AGPAT4: variants seen among roughly 807,000 people sequenced by gnomAD.
AGPAT4 encodes 1-acyl-sn-glycerol-3-phosphate acyltransferase delta.
In AGPAT4, 15 loss-of-function variants were observed where a neutral mutation model predicts 48.0. That is an observed-to-expected ratio of 0.31 (90% confidence interval 0.21 to 0.48). AGPAT4 has a LOEUF of 0.48. Among genes scored for constraint, AGPAT4 ranks in the 20% least tolerant of loss-of-function variants. The pLI is 0.99. For synonymous variants in AGPAT4, 178 were observed against 198.7 expected, an observed-to-expected ratio of 0.90 and a Z score of 0.88; for missense variants, 314 against 482.5, an observed-to-expected ratio of 0.65 and a Z score of 3.27.
Position 161,224,920 on chromosome 6 carries a change from G to A in AGPAT4, c.178+7116C>T, listed in dbSNP as rs544742344. On this transcript the variant is annotated intron_variant, in intron 2 of 8. Transcript: ENST00000320285. ...TTTCAAAGAATCAATATGTCAGTAT[G>A]TTCAATTCTTTGCCTTCTACTTTTA... 3.3e-5 allele frequency among the ~76,000 whole-genome samples: 5 copies of A among 152,268 alleles called. No individual in the cohort carries two copies. The East Asian group carries it at 7.7e-4, about 24-fold the overall frequency.
Position 161,161,318 on chromosome 6 carries a change from T to C in AGPAT4, c.348+4930A>G. Reference sequence around the variant, plus strand: ...AACCCGCGGTGCAGCCATAGTCCCGTGAGCTGCCCACTTCCTGCCCTGGCC... The same window carrying C: ...AACCCGCGGTGCAGCCATAGTCCCGCGAGCTGCCCACTTCCTGCCCTGGCC... On this transcript the variant is annotated intron_variant, in intron 3 of 8. Coordinates refer to ENST00000320285, the MANE Select transcript of AGPAT4 (RefSeq NM_020133.3). The surrounding 1 kb of genome is among the most constrained non-coding windows in gnomAD (Gnocchi z 4.6). The C allele has an allele frequency of 2.2e-6, 1 of 456,692 alleles. No individual in the cohort carries two copies. The highest frequency in any genetic ancestry group is 4.4e-6 in the Non-Finnish European group (1 of 226,954). The allele number at this position is 456,692 out of a possible 1,614,324, so 28.3% of individuals were successfully genotyped here.
chr6:161,151,312 G>A lies in AGPAT4; in HGVS notation c.665-2023C>T, dbSNP rs867191867. 2.6e-5 allele frequency among the ~76,000 whole-genome samples: 4 copies of A among 152,248 alleles called. No homozygotes were observed. The East Asian group carries it at 5.8e-4, about 22-fold the overall frequency. ...TGAGGACATCCCATGTGCACAGTGC[G>A]TACAGGGCCTGGCGTGCCAGACGCG... is the stretch of plus-strand genomic sequence containing the variant. On this transcript the variant is annotated intron_variant, in intron 5 of 8. Transcript: ENST00000320285.
intron 2 of AGPAT4, among the ~76,000 whole-genome samples, chr6:161,224,640 C>CAAAAA (rs71543000): frequency 1.5e-4 from 12 of 78,538 alleles, no homozygotes; most frequent in Admixed American, 1.6e-4. Flanking sequence ...GACTCCTTCT[C>CAAAAA]AAAAAAAAAA....
At position 161,249,288 on chromosome 6, in the gene AGPAT4, T is replaced by C. The variant is rs955623881; in HGVS notation, c.-89-16986A>G. ...TTTCATGACGAACACACCAAAGCAA[T>C]TGCAACAAAAGCAAAAATTGACAAA... On this transcript the variant is annotated intron_variant, in intron 1 of 8. Transcript: ENST00000320285. This position sits in a 1 kb window ranked among gnomAD's most constrained non-coding sequence, Gnocchi z 6.2. Among the ~76,000 whole-genome samples, 11 of 152,074 alleles carry C rather than the reference T, an allele frequency of 7.2e-5. No homozygotes were observed. The highest frequency in any genetic ancestry group is 2.7e-4 in the African/African-American group (11 of 41,400).
chr6:161,223,747 C>T lies in AGPAT4; in HGVS notation c.178+8289G>A, dbSNP rs1263265976. On this transcript the variant is annotated intron_variant, in intron 2 of 8. Transcript: ENST00000320285. The surrounding 1 kb of genome is among the most constrained non-coding windows in gnomAD (Gnocchi z 6.3). ...ACATGGCCTCACCTCCAGAGCTTGG[C>T]TCCTCAAATGCAGGGCAGGGCTGGG... 2.6e-5 allele frequency among the ~76,000 whole-genome samples: 4 copies of T among 152,198 alleles called. No homozygotes were observed. Among genetic ancestry groups the T allele is most frequent in the African/African-American group, 9.6e-5 (4 of 41,452 alleles).
rs1318145128 is a variant in AGPAT4 at position 161,255,041 on chromosome 6, C to A, written c.-90+18897G>T. 6.6e-6 allele frequency among the ~76,000 whole-genome samples: 1 copy of A among 152,198 alleles called. No individual in the cohort carries two copies. Among genetic ancestry groups the A allele is most frequent in the Non-Finnish European group, 1.5e-5 (1 of 68,040 alleles). On this transcript the variant is annotated intron_variant, in intron 1 of 8. Transcript: ENST00000320285. The surrounding 1 kb of genome is among the most constrained non-coding windows in gnomAD (Gnocchi z 4.7). Reference sequence around the variant, plus strand: ...CAGAGCCAGATACGGTTACACAGCCCTTCTGAAGCAAAGATACACTAAGTC... The same window carrying A: ...CAGAGCCAGATACGGTTACACAGCCATTCTGAAGCAAAGATACACTAAGTC...
chr6:161,139,415 C>T lies in AGPAT4; in HGVS notation c.1042+7G>A, dbSNP rs1199761049. On this transcript the variant is annotated splice_region_variant and intron_variant, in intron 8 of 8. Coordinates refer to ENST00000320285, the MANE Select transcript of AGPAT4 (RefSeq NM_020133.3). The surrounding 1 kb of genome is among the most constrained non-coding windows in gnomAD (Gnocchi z 9.1). ...CAGCACCCACCAGCCCCTTGCCCTC[C>T]ACTCACCCACAAAGAAGACGAGGAT... 5.6e-6 allele frequency: 9 copies of T among 1,613,608 alleles called. No homozygotes were observed. Among genetic ancestry groups the T allele is most frequent in the Middle Eastern group, 1.6e-4 (1 of 6,080 alleles).
chr6:161,205,473 G>C (rs1382622408), intron 2 of AGPAT4, among the ~76,000 whole-genome samples: 1 of 152,120 alleles, frequency 6.6e-6, no homozygotes, highest in Non-Finnish European at 1.5e-5. Context: ...GCCTGAAAGA[G>C]CAGCTCTCCC....
intron 1 of AGPAT4, among the ~76,000 whole-genome samples, chr6:161,241,855 C>T (rs1283114332): frequency 6.6e-6 from 1 of 152,196 alleles, no homozygotes; most frequent in Non-Finnish European, 1.5e-5. Flanking sequence ...GCCTCAGCCT[C>T]CAGAGTAGCT....
rs1262295992 is a variant in AGPAT4, at chr6:161,135,321, T to C, written c.*1219A>G. The C allele has an allele frequency of 6.6e-6, 1 of 152,242 alleles. No homozygotes were observed. Among genetic ancestry groups the C allele is most frequent in the Non-Finnish European group, 1.5e-5 (1 of 68,032 alleles). The allele number at this position is 152,242 out of a possible 1,614,324, so 9.4% of individuals were successfully genotyped here. A position where few individuals can be genotyped will look rare whatever the true frequency, so the allele number is the denominator to read the frequency against. ...GTGCCATTGGTGTCTTGGCCTAAGA[T>C]GATTTAATAGCTAGCATTTGTTCTG... On this transcript the variant is annotated 3_prime_UTR_variant, in exon 9 of 9. Transcript: ENST00000320285.
Position 161,266,095 on chromosome 6 carries a change from T to C in AGPAT4, c.-90+7843A>G, listed in dbSNP as rs140425767. ...TGGGCAAGTTTGTCCCTCTAGGGGA[T>C]TTTTGGCTGTCACAAGTAGGAGTGG... On this transcript the variant is annotated intron_variant, in intron 1 of 8. Transcript: ENST00000320285. The surrounding 1 kb of genome is among the most constrained non-coding windows in gnomAD (Gnocchi z 6.2). Among the ~76,000 whole-genome samples the C allele has an allele frequency of 2.4e-4, 37 of 152,214 alleles. 1 individual carries two copies. The East Asian group carries it at 6.6e-3, about 27-fold the overall frequency.
rs778149892 is a variant in AGPAT4 at position 161,236,707 on chromosome 6, C to T, written c.-89-4405G>A. Among the ~76,000 whole-genome samples, 27 of 151,234 alleles carry T rather than the reference C, an allele frequency of 1.8e-4. No individual in the cohort carries two copies. The highest frequency in any genetic ancestry group is 3.5e-4 in the Non-Finnish European group (24 of 67,870). ...TCACTTGAGGTCAGGAGTTCGAAAC[C>T]AGCCTGGTGAAACCCCATCTCCACT... On this transcript the variant is annotated intron_variant, in intron 1 of 8. Coordinates refer to ENST00000320285, the MANE Select transcript of AGPAT4 (RefSeq NM_020133.3). This position sits in a 1 kb window ranked among gnomAD's most constrained non-coding sequence, Gnocchi z 5.0.
At chr6:161,237,518 C>A (rs1782322301) in intron 1 of AGPAT4, among the ~76,000 whole-genome samples, 1 of 152,060 alleles carries the variant, frequency 6.6e-6, no homozygotes, top group Admixed American at 6.5e-5. Context: ...GACTATAAGC[C>A]AACAGTGTAC....
At position 161,262,496 on chromosome 6, in the gene AGPAT4, T is replaced by G. The variant is rs1477964162; in HGVS notation, c.-90+11442A>C. ...TCCTTTTTTTTTTCCCCCTCCTCATTATTCTCTCATAGCAAATAAAACTTG... is the reference window on the plus strand; with the variant it reads ...TCCTTTTTTTTTTCCCCCTCCTCATGATTCTCTCATAGCAAATAAAACTTG... On this transcript the variant is annotated intron_variant, in intron 1 of 8. Coordinates refer to ENST00000320285, the MANE Select transcript of AGPAT4 (RefSeq NM_020133.3). The surrounding 1 kb of genome is among the most constrained non-coding windows in gnomAD (Gnocchi z 4.9). Among the ~76,000 whole-genome samples, 1 of 152,016 alleles carries G rather than the reference T, an allele frequency of 6.6e-6. No individual in the cohort carries two copies. Among genetic ancestry groups the G allele is most frequent in the Non-Finnish European group, 1.5e-5 (1 of 67,974 alleles).
In AGPAT4 at chr6:161,134,746, C is replaced by T. The variant is rs1232921610; in HGVS notation, c.*1794G>A. 1.3e-5 allele frequency: 2 copies of T among 152,404 alleles called. No homozygotes were observed. Among genetic ancestry groups the T allele is most frequent in the African/African-American group, 4.8e-5 (2 of 41,574 alleles). 9.4% of individuals were successfully genotyped at this position (152,404 alleles called of 1,614,324 possible). On this transcript the variant is annotated 3_prime_UTR_variant, in exon 9 of 9. Coordinates refer to ENST00000320285, the MANE Select transcript of AGPAT4 (RefSeq NM_020133.3). The stretch of plus-strand genomic sequence containing the variant: ...GCTCACAGACACGCAAGGCTACACA[C>T]CATGCACACCTCCACTTCTCCAAGG...
chr6:161,228,577 T>C (rs1053954539), intron 2 of AGPAT4, among the ~76,000 whole-genome samples: 1 of 43,288 alleles, frequency 2.3e-5, no homozygotes, highest in African/African-American at 2.3e-4. Context: ...CCCCCTGCCT[T>C]TTTTTTTTTT....
At chr6:161,181,604 G>A (rs1562327166) in intron 2 of AGPAT4, among the ~76,000 whole-genome samples, 2 of 152,066 alleles carry the variant, frequency 1.3e-5, no homozygotes, top group Non-Finnish European at 2.9e-5. Context: ...TTGTGAGACA[G>A]TCTCGCTCTG....
rs1170058991 is a variant in AGPAT4 at position 161,143,436 on chromosome 6, C to T, written c.843+3088G>A. 6.6e-6 allele frequency among the ~76,000 whole-genome samples: 1 copy of T among 152,132 alleles called. No homozygotes were observed. The highest frequency in any genetic ancestry group is 1.5e-5 in the Non-Finnish European group (1 of 68,040). On this transcript the variant is annotated intron_variant, in intron 7 of 8. Transcript: ENST00000320285. This position sits in a 1 kb window ranked among gnomAD's most constrained non-coding sequence, Gnocchi z 4.7. ...AATGGCCAAGTTATAGTCCCTTCTG[C>T]AAATGTCAAATTACAACCTGAAGAA...
chr6:161,256,155 T>A (rs1782937700), intron 1 of AGPAT4, among the ~76,000 whole-genome samples: 1 of 151,516 alleles, frequency 6.6e-6, no homozygotes, highest in Non-Finnish European at 1.5e-5. Flanking sequence ...GTAAAACAGA[T>A]CCCCCTCAAC....
Sources: gnomAD v4.1 joint callset for allele counts (sites outside exome capture counted in the v4.1 genomes callset) on GRCh38, gnomAD v4.1.1 for gene constraint, Gnocchi (gnomAD v3.1) non-coding constraint, MANE v1.5 for transcripts, NCBI Gene and HGNC (gene_info 2026-07-23, HGNC 2026-07-21) for gene names.